SEMA5A: variants seen among roughly 807,000 people sequenced by gnomAD.
SEMA5A encodes semaphorin 5A.
In SEMA5A, 55 loss-of-function variants were observed where a neutral mutation model predicts 135.5. That is an observed-to-expected ratio of 0.41 (90% CI 0.33 to 0.51). The LOEUF is 0.51. Ranked by LOEUF, SEMA5A falls within the 20% of genes least tolerant of loss-of-function variation. SEMA5A has a pLI of 0.37. For synonymous variants in SEMA5A, 580 were observed against 546.5 expected (o/e 1.06, Z -0.85); for missense variants, 1,290 against 1,419.9 (o/e 0.91, Z 1.47).
intron 11 of SEMA5A, among the ~76,000 whole-genome samples, chr5:9,182,151 C>CT (rs1344654601): frequency 8.0e-6 from 1 of 125,660 alleles, no homozygotes; most frequent in Non-Finnish European, 1.7e-5. Flanking sequence ...TTGCTTCTGC[C>CT]CCCCACCCCA....
intron 13 of SEMA5A, among the ~76,000 whole-genome samples, chr5:9,125,878 T>A (rs1741082269): frequency 1.3e-5 from 2 of 152,040 alleles, no homozygotes. Context: ...TTATCAGCCC[T>A]CCCTCTTGTC....
rs1017164936 is a variant in SEMA5A at position 9,120,087 on chromosome 5, TA to T, written c.1782-947del. On this transcript the variant is annotated intron_variant, in intron 14 of 22. Coordinates refer to ENST00000382496, the MANE Select transcript of SEMA5A (RefSeq NM_003966.3). ...ATTAAAAAATACATAGGTTTTTTTT[TA>T]AAATTTTATGTGTTAAAATATATAT... 3.3e-5 allele frequency among the ~76,000 whole-genome samples: 5 copies of T among 152,092 alleles called. No individual in the cohort carries two copies. In the South Asian group the frequency reaches 6.2e-4, roughly 19 times the overall value.
At chr5:9,443,853 A>G (rs1758329305) in intron 1 of SEMA5A, among the ~76,000 whole-genome samples, 1 of 152,276 alleles carries the variant, frequency 6.6e-6, no homozygotes, top group Admixed American at 6.5e-5. Context: ...TCAAGGAAAC[A>G]ATTTGAAAAG....
chr5:9,090,925 T>C (rs937359705), intron 16 of SEMA5A, among the ~76,000 whole-genome samples: 12 of 152,342 alleles, frequency 7.9e-5, no homozygotes, highest in Admixed American at 6.5e-4. Context: ...TCCACTGAGA[T>C]ATAAATGAAA....
At chr5:9,434,102 G>A (rs965557549) in intron 2 of SEMA5A, among the ~76,000 whole-genome samples, 1 of 152,126 alleles carries the variant, frequency 6.6e-6, no homozygotes, top group African/African-American at 2.4e-5. Context: ...TATGACTTTT[G>A]TGAACTGGAA....
intron 6 of SEMA5A, among the ~76,000 whole-genome samples, chr5:9,232,992 T>C (rs746583491): frequency 1.3e-4 from 20 of 152,204 alleles, no homozygotes; most frequent in Non-Finnish European, 2.6e-4. Flanking sequence ...TTTACCTCTT[T>C]ACCAGCATAA....
chr5:9,465,810 C>T (rs1188106929), intron 1 of SEMA5A, among the ~76,000 whole-genome samples: 6 of 152,140 alleles, frequency 3.9e-5, no homozygotes, highest in Non-Finnish European at 8.8e-5. Context: ...GTAGTTATTT[C>T]ATTACTTTTT....
intron 15 of SEMA5A, among the ~76,000 whole-genome samples, chr5:9,117,608 C>T (rs75466769): frequency 0.017 from 2,610 of 152,138 alleles, 33 homozygotes; most frequent in African/African-American, 0.041. Context: ...TGCATTTTGA[C>T]GGCAAAAGTC....
chr5:9,222,173 T>G (rs943855155), intron 8 of SEMA5A, among the ~76,000 whole-genome samples: 1 of 152,142 alleles, frequency 6.6e-6, no homozygotes, highest in African/African-American at 2.4e-5. Context: ...GCAAAGCCTG[T>G]GTCCCAATTA....
rs538784685 is a variant in SEMA5A, at chr5:9,454,215, G to A, written c.-174-16363C>T. 8.7e-4 allele frequency among the ~76,000 whole-genome samples: 132 copies of A among 152,328 alleles called. 3 individuals carry two copies. The South Asian group carries it at 0.024, about 28-fold the overall frequency. On this transcript the variant is annotated intron_variant, in intron 1 of 22. Coordinates refer to ENST00000382496, the MANE Select transcript of SEMA5A (RefSeq NM_003966.3). ...GGTCACGTGCTGAATGGAGGTAGGAGGCTCTGGCTGTGACTCATGGGACTC... is the reference window on the plus strand; with the variant it reads ...GGTCACGTGCTGAATGGAGGTAGGAAGCTCTGGCTGTGACTCATGGGACTC...
intron 6 of SEMA5A, among the ~76,000 whole-genome samples, chr5:9,235,115 T>C (rs796704321): frequency 6.6e-6 from 1 of 152,202 alleles, no homozygotes; most frequent in Admixed American, 6.5e-5. Flanking sequence ...ACTTCCAGAC[T>C]ATGAGGAGGA....
intron 5 of SEMA5A, among the ~76,000 whole-genome samples, chr5:9,286,454 T>C (rs1750802290): frequency 6.6e-6 from 1 of 152,092 alleles, no homozygotes; most frequent in Non-Finnish European, 1.5e-5. Context: ...ACCATATTAA[T>C]AAGGTTCAGC....
At chr5:9,215,820 A>AT (rs957164997) in intron 8 of SEMA5A, among the ~76,000 whole-genome samples, 142 of 136,516 alleles carry the variant, frequency 1.0e-3, no homozygotes, top group East Asian at 1.6e-3. Context: ...GGCCTATCTT[A>AT]TTTTTTTTTT....
chr5:9,142,058 T>C (rs1742092971), intron 12 of SEMA5A, among the ~76,000 whole-genome samples: 1 of 152,218 alleles, frequency 6.6e-6, no homozygotes, highest in Non-Finnish European at 1.5e-5. Context: ...GGGTGTACCA[T>C]GGCAAACAGA....
intron 2 of SEMA5A, among the ~76,000 whole-genome samples, chr5:9,393,826 A>G (rs568666135): frequency 6.6e-6 from 1 of 152,332 alleles, no homozygotes; most frequent in East Asian, 1.9e-4. Flanking sequence ...CAAGAAATCT[A>G]TAAAAGAATG....
At chr5:9,465,476 C>T (rs1409698343) in intron 1 of SEMA5A, among the ~76,000 whole-genome samples, 1 of 152,174 alleles carries the variant, frequency 6.6e-6, no homozygotes, top group Non-Finnish European at 1.5e-5. Flanking sequence ...GTGGATTCAA[C>T]AATCAGGGAT....
intron 3 of SEMA5A, among the ~76,000 whole-genome samples, chr5:9,356,400 A>G (rs1754449379): frequency 6.6e-6 from 1 of 152,194 alleles, no homozygotes; most frequent in South Asian, 2.1e-4. Flanking sequence ...CAGATGTTAC[A>G]GTAACACACA....
chr5:9,540,439 A>AG (rs1738020731), intron 1 of SEMA5A, among the ~76,000 whole-genome samples: 1 of 150,990 alleles, frequency 6.6e-6, no homozygotes, highest in Non-Finnish European at 1.5e-5. Flanking sequence ...AATTCAAAAA[A>AG]AAAAAAAAAT....
At chr5:9,421,251 A>AT (rs1757457429) in intron 2 of SEMA5A, among the ~76,000 whole-genome samples, 2 of 152,186 alleles carry the variant, frequency 1.3e-5, no homozygotes, top group African/African-American at 4.8e-5. Context: ...ATAATTTGAG[A>AT]TTTTCTCATA....
Sources: allele counts gnomAD v4.1 joint callset (sites outside exome capture counted in the v4.1 genomes callset), GRCh38; gene constraint gnomAD v4.1.1; transcripts MANE v1.5; gene names NCBI Gene and HGNC (gene_info 2026-07-23, HGNC 2026-07-21).